Variants in TOPBP1 observed in about 807,000 individuals in gnomAD.
TOPBP1 encodes DNA topoisomerase 2-binding protein 1.
TOPBP1 carries 28 observed loss-of-function variants against 167.7 expected under a neutral mutation model. The ratio of observed to expected loss-of-function variants is 0.17; its 90% CI spans 0.12 to 0.23. TOPBP1 has a LOEUF of 0.23. Ranked by LOEUF, TOPBP1 falls within the 10% of genes least tolerant of loss-of-function variation. The pLI, the probability that TOPBP1 is intolerant of heterozygous loss-of-function variation, is 1.00. For synonymous variants in TOPBP1, 598 were observed against 611.4 expected (o/e 0.98, Z 0.32); for missense variants, 1,554 against 1,809.6 (o/e 0.86, Z 2.56).
In TOPBP1 at chr3:133,643,200, C is replaced by A; in HGVS notation, c.2021G>T (p.Ser674Ile). The part of the protein sequence containing the change: ...LTFLANLLGA[S>I]VQEYFVRKSN... The stretch of plus-strand genomic sequence containing the variant: ...CAGGTGCATTAAAAATATTACATAC[C>A]TTGCTCCAAGGAGGTTTGCTAGGAA... Residue 674 changes from serine (S) to isoleucine (I), a missense_variant and splice_region_variant, in exon 12 of 28, where the codon AGT becomes ATT. Ser to Ile is a moderately radical substitution (Grantham distance 142). This residue lies in a region of TOPBP1 where 1,197 missense variants were observed against 1,351.5 expected (regional missense o/e 0.89). Coordinates refer to ENST00000260810, the MANE Select transcript of TOPBP1 (RefSeq NM_007027.4). 1 of 1,580,076 alleles carries A rather than the reference C, an allele frequency of 6.3e-7. No individual in the cohort carries two copies. The highest frequency in any genetic ancestry group is 1.2e-5 in the South Asian group (1 of 85,048).
chr3:133,644,147 A>T lies in TOPBP1; in HGVS notation c.1721T>A (p.Ile574Asn). ...SNENESNIANIIKENAGKIMS... is the reference protein window; with the variant it reads ...SNENESNIANNIKENAGKIMS... The stretch of plus-strand genomic sequence containing the variant: ...GATTTTCCCAGCATTTTCTTTTATG[A>T]TGTTTGCGATGTTAGATTCATTTTC... The change falls in exon 11 of 28, where the codon ATC becomes AAC. Residue 574 changes from isoleucine to asparagine, a missense_variant. Physicochemically the swap from Ile to Asn is moderately radical, Grantham distance 149. Transcript: ENST00000260810. 1.2e-6 allele frequency: 2 copies of T among 1,613,902 alleles called. No homozygotes were observed. The highest frequency in any genetic ancestry group is 1.7e-6 in the Non-Finnish European group (2 of 1,179,854).
rs752376747 is a variant in TOPBP1, at chr3:133,623,168, T to C, written c.3101A>G (p.Asn1034Ser). 4 of 1,612,472 alleles carry C rather than the reference T, an allele frequency of 2.5e-6. No homozygotes were observed. The East Asian group carries it at 6.7e-5, about 27-fold the overall frequency. Residue 1034 changes from asparagine (N) to serine (S), a missense_variant, in exon 19 of 28, where the codon AAT becomes AGT. Transcript: ENST00000260810. ...ATTGGTGGCCATATTGTCTACATCA[T>C]TTTCTTCTAAAATCAAAGGATCTGG... Reference protein sequence around the residue: ...DEPDPLILEENDVDNMATNNK... With the variant: ...DEPDPLILEESDVDNMATNNK...
Position 133,601,164 on chromosome 3 carries a change from A to G in TOPBP1, c.*86T>C. Reference sequence around the variant, plus strand: ...AGAATTCTTCAGGTACTCATCTTTAAATTACTACCCAAATCTATCACAGTC... The same window carrying G: ...AGAATTCTTCAGGTACTCATCTTTAGATTACTACCCAAATCTATCACAGTC... On this transcript the variant is annotated 3_prime_UTR_variant, in exon 28 of 28. Coordinates refer to ENST00000260810, the MANE Select transcript of TOPBP1 (RefSeq NM_007027.4). The G allele has an allele frequency of 1.6e-6, 2 of 1,257,090 alleles. No individual in the cohort carries two copies. The highest frequency in any genetic ancestry group is 2.2e-6 in the Non-Finnish European group (2 of 910,548). 77.9% of individuals were successfully genotyped at this position (1,257,090 alleles called of 1,614,324 possible). A position where few individuals can be genotyped will look rare whatever the true frequency, so the allele number is the denominator to read the frequency against.
In TOPBP1 at chr3:133,640,130, C is replaced by T. The variant is rs1025501887; in HGVS notation, c.2062G>A (p.Gly688Ser). The T allele has an allele frequency of 6.2e-7, 1 of 1,613,702 alleles. No homozygotes were observed. The part of the protein sequence containing the change: ...YFVRKSNAKK[G>S]MFASTHLILK... ...ATAAGATGAGTACTGGCAAACATGC[C>T]TTTCTTTGCATTGGATTTGCGAACA... is the stretch of plus-strand genomic sequence containing the variant. The change falls in exon 13 of 28, where the codon GGC becomes AGC. Residue 688 changes from glycine to serine, a missense_variant. Coordinates refer to ENST00000260810, the MANE Select transcript of TOPBP1 (RefSeq NM_007027.4).
rs1406854643 is a variant in TOPBP1 at position 133,611,049 on chromosome 3, T to A, written c.4128A>T (p.Arg1376Ser). 2 of 1,613,390 alleles carry A rather than the reference T, an allele frequency of 1.2e-6. No homozygotes were observed. The highest frequency in any genetic ancestry group is 1.7e-6 in the Non-Finnish European group (2 of 1,179,516). The change falls in exon 25 of 28, where the codon AGA becomes AGT. Residue 1376 changes from arginine to serine, a missense_variant. Physicochemically the swap from Arg to Ser is moderately radical, Grantham distance 110. Coordinates refer to ENST00000260810, the MANE Select transcript of TOPBP1 (RefSeq NM_007027.4). Reference sequence around the variant, plus strand: ...GTCTTTGCTGGATTTTTTTTCTCCATCTCATTGCTGCAAGTGCTAGTCTTC... The same window carrying A: ...GTCTTTGCTGGATTTTTTTTCTCCAACTCATTGCTGCAAGTGCTAGTCTTC... ...QQRRLALAAM[R>S]WRKKIQQRQE...
Position 133,643,238 on chromosome 3 carries a change from T to C in TOPBP1, c.1983A>G (p.Lys661=), listed in dbSNP as rs1385535152. 3 of 1,606,050 alleles carry C rather than the reference T, an allele frequency of 1.9e-6. No homozygotes were observed. The East Asian group carries it at 6.7e-5, about 36-fold the overall frequency. ...ISFSQCAGAE[K]ESLTFLANLL... ...GGTTTGCTAGGAATGTTAAAGACTC[T>C]TTTTCTGCTCCAGCACACTGGCTAA... The change falls in exon 12 of 28, where the codon AAA becomes AAG. Residue 661 remains lysine (K), a synonymous_variant. Transcript: ENST00000260810.
chr3:133,619,609 A>G (rs182140125), intron 20 of TOPBP1, among the ~76,000 whole-genome samples: 1 of 152,346 alleles, frequency 6.6e-6, no homozygotes, highest in East Asian at 1.9e-4. Context: ...AAGATTTTAC[A>G]TATTGCATTA....
chr3:133,648,205 G>C (rs1936147732), intron 10 of TOPBP1, among the ~76,000 whole-genome samples: 1 of 152,166 alleles, frequency 6.6e-6, no homozygotes, highest in Admixed American at 6.5e-5. Context: ...TGTGCTTAAA[G>C]AAACTGTCTA....
At chr3:133,608,491 C>T (rs1423907154) in intron 27 of TOPBP1, 44 bp downstream of exon 27, 7 of 1,600,976 alleles carry the variant, frequency 4.4e-6, no homozygotes, top group Middle Eastern at 1.7e-4. Context: ...TGCACATAAA[C>T]GTATCTCTGG....
At chr3:133,652,800 T>G (rs1435155167) in intron 7 of TOPBP1, among the ~76,000 whole-genome samples, 171 bp from the exon 8 acceptor site, 1 of 152,208 alleles carries the variant, frequency 6.6e-6, no homozygotes, top group Non-Finnish European at 1.5e-5. Flanking sequence ...AAAATGAAAT[T>G]AATTAAGCCT....
chr3:133,646,211 T>C (rs554459495), intron 10 of TOPBP1, among the ~76,000 whole-genome samples: 2 of 152,278 alleles, frequency 1.3e-5, no homozygotes, highest in South Asian at 4.1e-4. Flanking sequence ...AAATACTTTA[T>C]TATAGACTTT....
intron 16 of TOPBP1, among the ~76,000 whole-genome samples, chr3:133,626,897 A>G (rs1305785415): frequency 6.6e-6 from 1 of 152,168 alleles, no homozygotes; most frequent in Non-Finnish European, 1.5e-5. Flanking sequence ...TTGTAATAAA[A>G]TGAAGATGCT....
At chr3:133,605,520 G>GAA (rs1176253143) in intron 27 of TOPBP1, among the ~76,000 whole-genome samples, 2 of 151,812 alleles carry the variant, frequency 1.3e-5, no homozygotes, top group African/African-American at 4.8e-5. Flanking sequence ...GAAGGAAAGA[G>GAA]AAAAACCTTA....
chr3:133,630,587 G>A (rs1026624340), intron 14 of TOPBP1, among the ~76,000 whole-genome samples: 5 of 150,496 alleles, frequency 3.3e-5, no homozygotes, highest in African/African-American at 7.3e-5. Context: ...TGTGAGTCAC[G>A]GTGACTCGCT....
At chr3:133,643,931 G>A (rs942259527) in intron 11 of TOPBP1, 89 bp downstream of exon 11, 31 of 1,313,570 alleles carry the variant, frequency 2.4e-5, no homozygotes, top group Admixed American at 2.7e-5. Flanking sequence ...TTGATTTACT[G>A]TAACTGAACT....
rs753856370 is a variant in TOPBP1 at position 133,649,461 on chromosome 3, C to T, written c.1426G>A (p.Asp476Asn). The T allele has an allele frequency of 6.2e-7, 1 of 1,613,900 alleles. No homozygotes were observed. Among genetic ancestry groups the T allele is most frequent in the Non-Finnish European group, 8.5e-7 (1 of 1,179,868 alleles). Reference sequence around the variant, plus strand: ...TCATGCTTTTCACTAGGAGCAAAGTCTTTCTTAGAGAAGCTGCTGTTCTTC... The same window carrying T: ...TCATGCTTTTCACTAGGAGCAAAGTTTTTCTTAGAGAAGCTGCTGTTCTTC... ...KKKNSSFSKK[D>N]FAPSEKHEQA... Residue 476 changes from aspartate to asparagine, a missense_variant, in exon 10 of 28, where the codon GAC becomes AAC. This residue lies in a region of TOPBP1 where 1,197 missense variants were observed against 1,351.5 expected (regional missense o/e 0.89). Coordinates refer to ENST00000260810, the MANE Select transcript of TOPBP1 (RefSeq NM_007027.4).
chr3:133,632,574 C>A (rs2107799865), intron 14 of TOPBP1, among the ~76,000 whole-genome samples: 1 of 152,214 alleles, frequency 6.6e-6, no homozygotes, highest in African/African-American at 2.4e-5. Context: ...TTCTTCAAAG[C>A]ATTTTAGAGG....
chr3:133,636,289 G>C lies in TOPBP1; in HGVS notation c.2520+1587C>G, dbSNP rs562499442. Among the ~76,000 whole-genome samples, 3 of 152,052 alleles carry C rather than the reference G, an allele frequency of 2.0e-5. No individual in the cohort carries two copies. The South Asian group carries it at 6.2e-4, about 32-fold the overall frequency. ...AAATAAGTGGTGAGTTTTTTTGAGG[G>C]GGGCAAGGGTGAGGCCTAATAGATG... On this transcript the variant is annotated intron_variant, in intron 14 of 27. Coordinates refer to ENST00000260810, the MANE Select transcript of TOPBP1 (RefSeq NM_007027.4).
At chr3:133,621,371 G>A (rs1007622391) in intron 19 of TOPBP1, among the ~76,000 whole-genome samples, 13 of 151,864 alleles carry the variant, frequency 8.6e-5, no homozygotes, top group East Asian at 3.8e-4. Context: ...CACATCCACC[G>A]GTTCTGCATG....
Sources: gnomAD v4.1 joint callset for allele counts (sites outside exome capture counted in the v4.1 genomes callset) on GRCh38, gnomAD v4.1.1 for gene constraint, gnomAD v4.1.1 regional missense constraint, MANE v1.5 for transcripts, NCBI Gene and HGNC (gene_info 2026-07-23, HGNC 2026-07-21) for gene names.